EYS: variants seen among roughly 807,000 people sequenced by gnomAD.
EYS encodes protein eyes shut homolog.
EYS carries 250 observed loss-of-function variants against 282.1 expected under a neutral mutation model. The ratio of observed to expected loss-of-function variants is 0.89; its 90% CI spans 0.80 to 0.98. EYS has a LOEUF of 0.98. EYS is among the 50% of genes least tolerant of loss of function. The pLI, the probability that EYS is intolerant of heterozygous loss-of-function variation, is 0.00. For synonymous variants in EYS, 1,355 were observed against 1,282.9 expected (o/e 1.06, Z -1.20); for missense variants, 4,016 against 3,709.0 (o/e 1.08, Z -2.15).
chr6:65,221,284 T>A (rs930872733), intron 12 of EYS, among the ~76,000 whole-genome samples: 1 of 151,810 alleles, frequency 6.6e-6, no homozygotes, highest in African/African-American at 2.4e-5. Context: ...ATGTCAGAGG[T>A]CTTCATAGCA....
intron 22 of EYS, among the ~76,000 whole-genome samples, chr6:64,734,245 G>C (rs1052628118): frequency 4.6e-5 from 7 of 151,852 alleles, no homozygotes; most frequent in Non-Finnish European, 1.0e-4. Flanking sequence ...AAGCGAATAA[G>C]CACTTTGTAA....
chr6:65,183,552 T>C (rs1765443890), intron 12 of EYS, among the ~76,000 whole-genome samples: 1 of 151,932 alleles, frequency 6.6e-6, no homozygotes, highest in South Asian at 2.1e-4. Context: ...TGTTCTCCAC[T>C]CATATCCTTC....
intron 29 of EYS, among the ~76,000 whole-genome samples, chr6:64,334,268 T>A (rs1376825040): frequency 2.0e-5 from 3 of 152,130 alleles, no homozygotes; most frequent in Non-Finnish European, 2.9e-5. Context: ...GCTTATCAAT[T>A]ACTACCTGAT....
intron 12 of EYS, among the ~76,000 whole-genome samples, chr6:65,256,032 G>A (rs1857187): frequency 0.32 from 48,238 of 151,818 alleles, 8,534 homozygotes; most frequent in African/African-American, 0.47. Context: ...ATATATCAGA[G>A]TGATATCTGC....
At chr6:65,343,330 C>T (rs1489830763) in intron 10 of EYS, among the ~76,000 whole-genome samples, 1 of 151,090 alleles carries the variant, frequency 6.6e-6, no homozygotes. Context: ...CTTAAAATGA[C>T]CAAATTAGGA....
chr6:64,446,331 A>G (rs1582762593), intron 26 of EYS, among the ~76,000 whole-genome samples: 2 of 152,328 alleles, frequency 1.3e-5, no homozygotes, highest in East Asian at 3.9e-4. Context: ...CTACTGCAAC[A>G]GAGTTTTTTT....
At chr6:64,072,264 T>C (rs1437471054) in intron 32 of EYS, among the ~76,000 whole-genome samples, 1 of 152,012 alleles carries the variant, frequency 6.6e-6, no homozygotes, top group Non-Finnish European at 1.5e-5. Context: ...TTAACCCATC[T>C]GGGTTTATCA....
At chr6:64,575,205 T>G (rs1765841858) in intron 26 of EYS, among the ~76,000 whole-genome samples, 4 of 152,108 alleles carry the variant, frequency 2.6e-5, no homozygotes, top group Non-Finnish European at 5.9e-5. Context: ...TTTATCCACA[T>G]GAAAATATGG....
intron 12 of EYS, among the ~76,000 whole-genome samples, chr6:65,174,691 T>A (rs1008091808): frequency 6.6e-6 from 1 of 151,364 alleles, no homozygotes; most frequent in Non-Finnish European, 1.5e-5. Context: ...TAGCAAGCAT[T>A]TTTTATTCCA....
chr6:65,460,521 C>G (rs144402045), intron 5 of EYS, among the ~76,000 whole-genome samples: 2 of 151,858 alleles, frequency 1.3e-5, no homozygotes, highest in Non-Finnish European at 2.9e-5. Context: ...ACCTTATGAC[C>G]AGGCCAGTTG....
intron 12 of EYS, among the ~76,000 whole-genome samples, chr6:65,161,374 G>A (rs1260404687): frequency 6.6e-6 from 1 of 150,650 alleles, no homozygotes; most frequent in Non-Finnish European, 1.5e-5. Flanking sequence ...GCTCTTTTTT[G>A]ATATTCCCAT....
intron 27 of EYS, among the ~76,000 whole-genome samples, chr6:64,437,481 A>T (rs1774792150): frequency 6.6e-6 from 1 of 151,720 alleles, no homozygotes; most frequent in Non-Finnish European, 1.5e-5. Flanking sequence ...AAAATTTAAG[A>T]TCATTTACAT....
chr6:65,666,883 A>G lies in EYS; in HGVS notation c.-447-26991T>C, dbSNP rs565194365. Among the ~76,000 whole-genome samples the G allele has an allele frequency of 3.3e-5, 5 of 150,766 alleles. No homozygotes were observed. In the East Asian group the frequency reaches 9.7e-4, roughly 29 times the overall value. ...CTCTTGAAAAATACATAAAAATAAT[A>G]AAAATTAAAAATAAATAAAAAATAC... is the stretch of plus-strand genomic sequence containing the variant. On this transcript the variant is annotated intron_variant, in intron 1 of 42. Coordinates refer to ENST00000503581, the MANE Select transcript of EYS (RefSeq NM_001142800.2).
At chr6:65,049,711 T>A (rs1265819317) in intron 13 of EYS, among the ~76,000 whole-genome samples, 1 of 151,762 alleles carries the variant, frequency 6.6e-6, no homozygotes, top group Non-Finnish European at 1.5e-5. Context: ...ATTTTTAACT[T>A]AATTATAATT....
chr6:64,530,769 T>C (rs187217692), intron 26 of EYS, among the ~76,000 whole-genome samples: 1 of 152,202 alleles, frequency 6.6e-6, no homozygotes, highest in East Asian at 1.9e-4. Flanking sequence ...AATCTAAAAA[T>C]GTCTCATTAA....
At chr6:65,705,739 A>G (rs956964836) in intron 1 of EYS, among the ~76,000 whole-genome samples, 2 of 152,160 alleles carry the variant, frequency 1.3e-5, no homozygotes, top group East Asian at 3.9e-4. Flanking sequence ...GATTAAATCA[A>G]TATCAATGCC....
At chr6:65,149,699 T>C (rs1324441686) in intron 12 of EYS, among the ~76,000 whole-genome samples, 1 of 152,146 alleles carries the variant, frequency 6.6e-6, no homozygotes, top group Admixed American at 6.6e-5. Context: ...TCTGTCTTCT[T>C]CTGAGCCCTC....
intron 14 of EYS, among the ~76,000 whole-genome samples, chr6:64,970,526 T>C (rs1297067211): frequency 6.6e-6 from 1 of 152,126 alleles, no homozygotes; most frequent in African/African-American, 2.4e-5. Flanking sequence ...CCACCTCCTG[T>C]AGCTATTGCA....
intron 22 of EYS, among the ~76,000 whole-genome samples, chr6:64,673,225 C>T (rs1464610520): frequency 6.6e-6 from 1 of 152,008 alleles, no homozygotes; most frequent in Admixed American, 6.6e-5. Flanking sequence ...TCTCACTCCT[C>T]ACATAGAGAA....
Sources: allele counts gnomAD v4.1 joint callset (sites outside exome capture counted in the v4.1 genomes callset), GRCh38; gene constraint gnomAD v4.1.1; transcripts MANE v1.5; gene names NCBI Gene and HGNC (gene_info 2026-07-23, HGNC 2026-07-21).